PCDHA6: variants seen among roughly 807,000 people sequenced by gnomAD.
PCDHA6 encodes protocadherin alpha 6.
PCDHA6 carries 55 observed loss-of-function variants against 60.3 expected under a neutral mutation model. The observed-to-expected ratio is 0.91, with a 90% CI of 0.73 to 1.14. The LOEUF (loss-of-function observed/expected upper bound fraction) is 1.14, where lower values mean the gene tolerates loss of function less well. PCDHA6 is among the 50% of genes most tolerant of loss of function. The probability of loss-of-function intolerance (pLI) is 0.00; values close to 1 mark genes in which losing one functional copy is unlikely to be tolerated. For missense variants in PCDHA6, 1,327 were observed against 1,256.5 expected (o/e 1.06, Z -0.85); for synonymous variants, 652 against 557.9 (o/e 1.17, Z -2.38).
At chr5:141,001,908 G>T (rs2098043431) in intron 3 of PCDHA6, among the ~76,000 whole-genome samples, 1 of 152,198 alleles carries the variant, frequency 6.6e-6, no homozygotes, top group Non-Finnish European at 1.5e-5. Flanking sequence ...GTTTGAAAAA[G>T]ACTGCAGTGG....
At chr5:140,862,490 G>A (rs1554156448) in intron 1 of PCDHA6, 5 of 385,338 alleles carry the variant, frequency 1.3e-5, no homozygotes, top group Non-Finnish European at 2.1e-5. Context: ...GTTGGTAATC[G>A]CTCGGAATGG....
chr5:140,893,112 G>T (rs782797637), intron 1 of PCDHA6, among the ~76,000 whole-genome samples: 5 of 152,148 alleles, frequency 3.3e-5, no homozygotes, highest in Non-Finnish European at 7.3e-5. Flanking sequence ...ATTCCGTTGT[G>T]CATATACACC....
At chr5:140,925,994 G>C (rs1041576118) in intron 1 of PCDHA6, among the ~76,000 whole-genome samples, 1 of 152,138 alleles carries the variant, frequency 6.6e-6, no homozygotes, top group Non-Finnish European at 1.5e-5. Context: ...CGCTGGCTCC[G>C]CTGCCTCGAA....
rs140634296 is a variant in PCDHA6 at position 140,850,279 on chromosome 5, G to T, written c.2394+19794G>T. Reference sequence around the variant, plus strand: ...GCCGGCGTAGTGGTGGGGAAGGTGCGCGCAGTGGACGCCGACTCGGGCTAC... The same window carrying T: ...GCCGGCGTAGTGGTGGGGAAGGTGCTCGCAGTGGACGCCGACTCGGGCTAC... On this transcript the variant is annotated intron_variant, in intron 1 of 3. Transcript: ENST00000529310. The T allele has an allele frequency of 5.0e-6, 8 of 1,595,454 alleles. 2 individuals are homozygous for T. The highest frequency in any genetic ancestry group is 1.1e-5 in the South Asian group (1 of 90,466).
chr5:140,950,070 A>G (rs2094446713), intron 1 of PCDHA6, among the ~76,000 whole-genome samples: 1 of 151,890 alleles, frequency 6.6e-6, no homozygotes, highest in Non-Finnish European at 1.5e-5. Flanking sequence ...TTCCTGTGCC[A>G]TTGCTTATGC....
At chr5:140,871,595 C>A in intron 1 of PCDHA6, 1 of 1,454,324 alleles carries the variant, frequency 6.9e-7, no homozygotes, top group South Asian at 1.5e-5. Context: ...TTATGAATAA[C>A]CAGTGTTTTG....
At chr5:140,884,621 G>C (rs116377419) in intron 1 of PCDHA6, 2 of 1,613,996 alleles carry the variant, frequency 1.2e-6, no homozygotes, top group South Asian at 2.2e-5. Context: ...TTCTGCAGAG[G>C]GAACAGGCCA....
At chr5:140,992,044 T>A (rs1160444128) in intron 3 of PCDHA6, among the ~76,000 whole-genome samples, 1 of 151,788 alleles carries the variant, frequency 6.6e-6, no homozygotes, top group African/African-American at 2.4e-5. Flanking sequence ...TGTGTGTGTG[T>A]GTGTGTGTGT....
At chr5:140,857,146 C>T (rs1554149571) in intron 1 of PCDHA6, 3 of 1,598,132 alleles carry the variant, frequency 1.9e-6, no homozygotes, top group East Asian at 2.2e-5. Flanking sequence ...AAGTGGGCAC[C>T]GTCATTGCCC....
At chr5:140,854,950 C>A (rs1427267019) in intron 1 of PCDHA6, among the ~76,000 whole-genome samples, 1 of 149,714 alleles carries the variant, frequency 6.7e-6, no homozygotes, top group African/African-American at 2.4e-5. Context: ...TAATAAATTT[C>A]TTAATTACTT....
intron 1 of PCDHA6, chr5:140,969,516 A>G: frequency 1.4e-6 from 2 of 1,410,726 alleles, no homozygotes; most frequent in Non-Finnish European, 1.9e-6. Flanking sequence ...GCACTAAAGA[A>G]TTGTTTTATT....
intron 1 of PCDHA6, among the ~76,000 whole-genome samples, chr5:140,924,015 A>G (rs2081623207): frequency 6.6e-6 from 1 of 152,164 alleles, no homozygotes; most frequent in Admixed American, 6.5e-5. Flanking sequence ...AACCTGGTAT[A>G]ATTGGAGGCA....
intron 1 of PCDHA6, chr5:140,848,229 G>T: frequency 2.5e-6 from 1 of 402,640 alleles, no homozygotes; most frequent in South Asian, 5.0e-5. Flanking sequence ...TTAAGAAAAT[G>T]AAATAAGTTT....
intron 1 of PCDHA6, among the ~76,000 whole-genome samples, chr5:140,917,038 C>T (rs1342700377): frequency 6.6e-6 from 1 of 152,168 alleles, no homozygotes; most frequent in African/African-American, 2.4e-5. Context: ...CTGAGTCCAG[C>T]ACAGTGTTGT....
intron 1 of PCDHA6, chr5:140,882,600 A>G: frequency 6.2e-7 from 1 of 1,614,252 alleles, no homozygotes; most frequent in East Asian, 2.2e-5. Context: ...GTGATCGTGG[A>G]CAGGCCTCTG....
rs144630020 is a variant in PCDHA6, at chr5:140,849,710, C to T, written c.2394+19225C>T. 88 of 1,598,490 alleles carry T rather than the reference C, an allele frequency of 5.5e-5. 7 individuals carry two copies. Among genetic ancestry groups the T allele is most frequent in the Middle Eastern group, 1.7e-4 (1 of 5,908 alleles). ...TGGTGTCCACCTACAAGAATTACTA[C>T]TCGTTGGTGCTGGACAGAGCTCTGG... On this transcript the variant is annotated intron_variant, in intron 1 of 3. Transcript: ENST00000529310.
At chr5:140,834,099 A>C in intron 1 of PCDHA6, 1 of 391,774 alleles carries the variant, frequency 2.6e-6, no homozygotes, top group Non-Finnish European at 4.5e-6. Context: ...CAATGAAGAA[A>C]AAAATTCAGA....
chr5:140,900,227 G>C (rs1425549345), intron 1 of PCDHA6, among the ~76,000 whole-genome samples: 1 of 152,038 alleles, frequency 6.6e-6, no homozygotes, highest in Admixed American at 6.6e-5. Flanking sequence ...CAAATGACTG[G>C]ATCTTGTTTT....
At chr5:140,841,754 T>A in intron 1 of PCDHA6, 1 of 1,613,818 alleles carries the variant, frequency 6.2e-7, no homozygotes, top group Non-Finnish European at 8.5e-7. Context: ...TGTTTCAGAA[T>A]CCAGAATGCC....
Sources: allele counts gnomAD v4.1 joint callset (sites outside exome capture counted in the v4.1 genomes callset), GRCh38; gene constraint gnomAD v4.1.1; transcripts MANE v1.5; gene names NCBI Gene and HGNC (gene_info 2026-07-23, HGNC 2026-07-21).